SYNPR: variants seen among roughly 807,000 people sequenced by gnomAD.
SYNPR encodes synaptoporin.
Under a neutral mutation model 32.9 loss-of-function variants are expected in SYNPR, and 23 were observed. That is an observed-to-expected ratio of 0.70 (90% CI 0.50 to 0.99). The LOEUF (loss-of-function observed/expected upper bound fraction) is 0.99, where lower values mean the gene tolerates loss of function less well. Ranked by LOEUF, SYNPR falls within the 50% of genes least tolerant of loss-of-function variation. The pLI is 0.00. For synonymous variants in SYNPR, 146 were observed against 135.9 expected (o/e 1.07, Z -0.52); for missense variants, 318 against 349.3 (o/e 0.91, Z 0.71).
At chr3:63,416,685 C>A (rs775903861) in intron 2 of SYNPR, among the ~76,000 whole-genome samples, 25 of 152,040 alleles carry the variant, frequency 1.6e-4, no homozygotes, top group Non-Finnish European at 3.2e-4. Flanking sequence ...TTCCACGTGG[C>A]TGGGGAGGCC....
At chr3:63,322,970 G>T (rs1183913901) in intron 2 of SYNPR, among the ~76,000 whole-genome samples, 1 of 151,996 alleles carries the variant, frequency 6.6e-6, no homozygotes, top group African/African-American at 2.4e-5. Context: ...TTTATTGAGG[G>T]TTGCCCAGTG....
chr3:63,293,393 CA>C (rs927040379), intron 2 of SYNPR, among the ~76,000 whole-genome samples: 3 of 152,028 alleles, frequency 2.0e-5, no homozygotes, highest in Non-Finnish European at 4.4e-5. Context: ...ACAAAATAAG[CA>C]AAAATTAGTA....
chr3:63,511,376 T>A (rs1701697398), intron 3 of SYNPR, among the ~76,000 whole-genome samples: 1 of 152,190 alleles, frequency 6.6e-6, no homozygotes, highest in African/African-American at 2.4e-5. Flanking sequence ...CTCTGCATTG[T>A]GACATTTTAA....
At chr3:63,363,194 C>G (rs1418752411) in intron 2 of SYNPR, among the ~76,000 whole-genome samples, 1 of 152,108 alleles carries the variant, frequency 6.6e-6, no homozygotes, top group Admixed American at 6.6e-5. Flanking sequence ...TTTTACTTTG[C>G]CCGGCATATG....
chr3:63,323,809 G>C (rs1303817908), intron 2 of SYNPR, among the ~76,000 whole-genome samples: 1 of 152,072 alleles, frequency 6.6e-6, no homozygotes, highest in African/African-American at 2.4e-5. Context: ...CTTTTCCTTA[G>C]CACTTTGTTC....
intron 2 of SYNPR, among the ~76,000 whole-genome samples, chr3:63,291,327 C>G (rs6791795): frequency 0.014 from 2,202 of 152,198 alleles, 41 homozygotes; most frequent in African/African-American, 0.049. Context: ...GAATAAACAA[C>G]TGTAACACAG....
chr3:63,521,968 T>A (rs1701924135), intron 3 of SYNPR, among the ~76,000 whole-genome samples: 1 of 152,006 alleles, frequency 6.6e-6, no homozygotes, highest in Non-Finnish European at 1.5e-5. Flanking sequence ...GTTGAGGCAG[T>A]CCAAAGCAGG....
intron 2 of SYNPR, among the ~76,000 whole-genome samples, chr3:63,471,120 GAAGATTTCACACA>G (rs1242655092): frequency 6.6e-6 from 1 of 152,176 alleles, no homozygotes; most frequent in Non-Finnish European, 1.5e-5. Flanking sequence ...TTTTGCCTGA[GAAGATTTCACACA>G]AATCACAAAG....
At chr3:63,363,856 C>A (rs934199314) in intron 2 of SYNPR, among the ~76,000 whole-genome samples, 6 of 152,084 alleles carry the variant, frequency 3.9e-5, no homozygotes, top group African/African-American at 1.4e-4. Context: ...TCCTTCTGCC[C>A]AGACTCTTTT....
intron 2 of SYNPR, among the ~76,000 whole-genome samples, chr3:63,478,477 T>C (rs1351765037): frequency 1.3e-5 from 2 of 152,220 alleles, no homozygotes; most frequent in African/African-American, 4.8e-5. Context: ...CCTCACAATA[T>C]TGTTGCCACT....
chr3:63,205,758 C>A, the SYNPR span, among the ~76,000 whole-genome samples: 36 of 152,322 alleles, frequency 2.4e-4, no homozygotes, highest in South Asian at 6.2e-3. Flanking sequence ...CACGATAGCG[C>A]TCTCTACTTT....
upstream of SYNPR, among the ~76,000 whole-genome samples, chr3:63,225,233 G>C (rs2106868739): frequency 6.6e-6 from 1 of 152,322 alleles, no homozygotes; most frequent in South Asian, 2.1e-4. Flanking sequence ...ATCAATAAGT[G>C]TCATTGGTTT....
At chr3:63,336,901 A>G (rs1017376988) in intron 2 of SYNPR, among the ~76,000 whole-genome samples, 1 of 152,132 alleles carries the variant, frequency 6.6e-6, no homozygotes, top group African/African-American at 2.4e-5. Context: ...ATACTCAACA[A>G]TTAAAAACTG....
At chr3:63,264,121 T>A (rs1575579955) in intron 2 of SYNPR, among the ~76,000 whole-genome samples, 1 of 152,214 alleles carries the variant, frequency 6.6e-6, no homozygotes, top group East Asian at 1.9e-4. Context: ...ATTCTGCTGT[T>A]CTATGTCTTC....
chr3:63,283,014 T>C (rs2086644344), intron 2 of SYNPR, among the ~76,000 whole-genome samples: 1 of 152,184 alleles, frequency 6.6e-6, no homozygotes, highest in Admixed American at 6.5e-5. Flanking sequence ...ATTGATTTTT[T>C]CAGAAGGGTG....
upstream of SYNPR, among the ~76,000 whole-genome samples, chr3:63,277,357 T>A (rs2086586626): frequency 6.6e-6 from 1 of 152,190 alleles, no homozygotes; most frequent in Non-Finnish European, 1.5e-5. Flanking sequence ...GTTGTTGTTG[T>A]TTTTATTATA....
intron 4 of SYNPR, among the ~76,000 whole-genome samples, chr3:63,603,041 C>T (rs540387324): frequency 2.7e-4 from 41 of 152,156 alleles, no homozygotes; most frequent in African/African-American, 8.4e-4. Flanking sequence ...TTGTAATTCT[C>T]ATTGTAGAGA....
intron 2 of SYNPR, among the ~76,000 whole-genome samples, chr3:63,388,556 TTGTGTGTGTG>T (rs749669898): frequency 1.1e-3 from 138 of 128,084 alleles, no homozygotes; most frequent in African/African-American, 3.0e-3. Context: ...CCCGGCTAAT[TTGTGTGTGTG>T]TGTGTGTGTG....
chr3:63,309,028 T>C (rs1022569757), intron 2 of SYNPR, among the ~76,000 whole-genome samples: 2 of 152,020 alleles, frequency 1.3e-5, no homozygotes, highest in Admixed American at 6.6e-5. Context: ...GCGCTGTTCA[T>C]TTTTTAAATT....
Sources: gnomAD v4.1 joint callset for allele counts (sites outside exome capture counted in the v4.1 genomes callset) on GRCh38, gnomAD v4.1.1 for gene constraint, MANE v1.5 for transcripts, NCBI Gene and HGNC (gene_info 2026-07-23, HGNC 2026-07-21) for gene names.